Variants in LTBP1 observed in about 807,000 individuals in gnomAD.
LTBP1 encodes latent-transforming growth factor beta-binding protein 1.
A neutral mutation model predicts 207.6 loss-of-function variants in LTBP1; 129 were observed. That is an observed-to-expected ratio of 0.62 (90% confidence interval 0.54 to 0.72). The LOEUF (loss-of-function observed/expected upper bound fraction) is 0.72. Among genes scored for constraint, LTBP1 ranks in the 30% least tolerant of loss-of-function variants. LTBP1 has a pLI of 0.00. For missense variants in LTBP1, 2,281 were observed against 2,217.2 expected, an observed-to-expected ratio of 1.03 and a Z score of -0.58; for synonymous variants, 963 against 833.7, an observed-to-expected ratio of 1.16 and a Z score of -2.67.
chr2:33,135,475 C>T (rs1253878031), intron 5 of LTBP1, among the ~76,000 whole-genome samples: 2 of 152,126 alleles, frequency 1.3e-5, no homozygotes, highest in Non-Finnish European at 2.9e-5. Context: ...CATCTTTTGC[C>T]ACGTTTCTGC....
intron 26 of LTBP1, among the ~76,000 whole-genome samples, chr2:33,350,240 C>T (rs2094761845): frequency 6.6e-6 from 1 of 152,132 alleles, no homozygotes; most frequent in Non-Finnish European, 1.5e-5. Flanking sequence ...CATTTTTATT[C>T]AGCTATAAAA....
intron 3 of LTBP1, among the ~76,000 whole-genome samples, chr2:33,068,353 C>A (rs1361800415): frequency 6.6e-6 from 1 of 152,078 alleles, no homozygotes; most frequent in East Asian, 1.9e-4. Context: ...ATACTCCCTG[C>A]CCCCAAATGT....
chr2:32,955,835 TG>T (rs1449430289), intron 2 of LTBP1, among the ~76,000 whole-genome samples: 1 of 152,188 alleles, frequency 6.6e-6, no homozygotes, highest in Non-Finnish European at 1.5e-5. Flanking sequence ...CATAATTTGT[TG>T]GTGTGACACA....
chr2:33,097,912 G>T (rs2079481638), intron 3 of LTBP1, among the ~76,000 whole-genome samples: 1 of 152,094 alleles, frequency 6.6e-6, no homozygotes. Context: ...GTTATAAACA[G>T]TCATTTAATA....
At chr2:32,998,501 A>T (rs1209631004) in intron 2 of LTBP1, among the ~76,000 whole-genome samples, 3 of 123,084 alleles carry the variant, frequency 2.4e-5, no homozygotes, top group Non-Finnish European at 4.9e-5. Flanking sequence ...CAACAGAGTG[A>T]GACTCCATCT....
intron 2 of LTBP1, among the ~76,000 whole-genome samples, chr2:32,978,867 T>A (rs1191852308): frequency 1.3e-5 from 2 of 151,884 alleles, no homozygotes; most frequent in Non-Finnish European, 2.9e-5. Flanking sequence ...AGACTTTTTA[T>A]TACAGCGTTG....
At chr2:33,192,959 A>G (rs912656971) in intron 7 of LTBP1, among the ~76,000 whole-genome samples, 3 of 152,006 alleles carry the variant, frequency 2.0e-5, no homozygotes, top group African/African-American at 7.3e-5. Context: ...TCATGAGGGA[A>G]GACCCTCTTA....
intron 5 of LTBP1, among the ~76,000 whole-genome samples, chr2:33,165,582 A>G (rs538955873): frequency 6.6e-6 from 1 of 152,384 alleles, no homozygotes; most frequent in South Asian, 2.1e-4. Context: ...GTGCAGACCT[A>G]CAACGGAACT....
At chr2:33,031,032 A>G (rs1459414970) in intron 3 of LTBP1, among the ~76,000 whole-genome samples, 2 of 152,134 alleles carry the variant, frequency 1.3e-5, no homozygotes, top group Non-Finnish European at 2.9e-5. Context: ...GATTGTTTTT[A>G]TCAAATATTT....
At chr2:33,062,512 T>C (rs1293205926) in intron 3 of LTBP1, among the ~76,000 whole-genome samples, 1 of 152,212 alleles carries the variant, frequency 6.6e-6, no homozygotes, top group Non-Finnish European at 1.5e-5. Flanking sequence ...TTTTTTTCTT[T>C]ATACTGATAT....
chr2:33,229,158 G>A (rs2091642017), intron 9 of LTBP1, among the ~76,000 whole-genome samples: 1 of 152,070 alleles, frequency 6.6e-6, no homozygotes, highest in South Asian at 2.1e-4. Context: ...TATTAATTTT[G>A]TTTTATTTCA....
intron 26 of LTBP1, among the ~76,000 whole-genome samples, chr2:33,356,593 G>A (rs975948592): frequency 2.0e-5 from 3 of 152,120 alleles, no homozygotes; most frequent in African/African-American, 4.8e-5. Flanking sequence ...GCAGGAGAAT[G>A]GTGTGAACCC....
intron 2 of LTBP1, among the ~76,000 whole-genome samples, chr2:32,985,891 A>T (rs1459557291): frequency 6.6e-6 from 1 of 151,976 alleles, no homozygotes; most frequent in Admixed American, 6.6e-5. Flanking sequence ...CCCCTTCTGT[A>T]TCTGGCTTCT....
intron 2 of LTBP1, among the ~76,000 whole-genome samples, chr2:33,002,276 T>C (rs1236980415): frequency 6.6e-6 from 1 of 152,204 alleles, no homozygotes; most frequent in Non-Finnish European, 1.5e-5. Flanking sequence ...CTTGAACAAA[T>C]GCAAGGGGTG....
chr2:33,121,533 C>G (rs1480986399), intron 4 of LTBP1, among the ~76,000 whole-genome samples: 1 of 152,040 alleles, frequency 6.6e-6, no homozygotes, highest in Non-Finnish European at 1.5e-5. Flanking sequence ...CTTGTTTAAC[C>G]AACACCCCTT....
At chr2:33,337,636 A>G (rs1478462190) in intron 24 of LTBP1, among the ~76,000 whole-genome samples, 1 of 152,230 alleles carries the variant, frequency 6.6e-6, no homozygotes, top group African/African-American at 2.4e-5. Context: ...ACAGTTGATC[A>G]CTAGACAAAT....
intron 11 of LTBP1, among the ~76,000 whole-genome samples, chr2:33,253,794 G>T (rs142611745): frequency 6.6e-6 from 1 of 151,372 alleles, no homozygotes; most frequent in Non-Finnish European, 1.5e-5. Context: ...ATACAACATT[G>T]ATGGTATGTT....
intron 20 of LTBP1, among the ~76,000 whole-genome samples, chr2:33,298,178 A>G (rs1340113598): frequency 6.6e-6 from 1 of 152,240 alleles, no homozygotes; most frequent in Admixed American, 6.5e-5. Context: ...ATTAGAAAAG[A>G]AAAATATTTT....
chr2:33,027,786 G>T (rs1369718186), intron 3 of LTBP1, among the ~76,000 whole-genome samples: 2 of 152,140 alleles, frequency 1.3e-5, no homozygotes, highest in African/African-American at 4.8e-5. Flanking sequence ...GCAGTGAGCT[G>T]AGATCGCACC....
Sources: allele counts gnomAD v4.1 joint callset (sites outside exome capture counted in the v4.1 genomes callset), GRCh38; gene constraint gnomAD v4.1.1; transcripts MANE v1.5; gene names NCBI Gene and HGNC (gene_info 2026-07-23, HGNC 2026-07-21).